CYTH2: variants seen among roughly 807,000 people sequenced by gnomAD.
The protein encoded by CYTH2 is cytohesin 2.
In CYTH2, 24 loss-of-function variants were observed where a neutral mutation model predicts 55.4. The observed-to-expected ratio is 0.43, with a 90% CI of 0.31 to 0.61. The LOEUF is 0.61. Ranked by LOEUF, CYTH2 falls within the 20% of genes least tolerant of loss-of-function variation. The pLI is 0.08. For missense variants in CYTH2, 378 were observed against 533.5 expected, an observed-to-expected ratio of 0.71 and a Z score of 2.87; for synonymous variants, 221 against 209.6, an observed-to-expected ratio of 1.05 and a Z score of -0.47.
At chr19:48,470,812 C>A in intron 3 of CYTH2, 143 bp downstream of exon 3, 2 of 857,650 alleles carry the variant, frequency 2.3e-6, no homozygotes, top group Non-Finnish European at 3.6e-6. Flanking sequence ...CAGATACTGG[C>A]TGTCCATTTG....
intron 11 of CYTH2, 142 bp downstream of exon 11, chr19:48,478,734 G>A: frequency 1.1e-6 from 1 of 925,356 alleles, no homozygotes. Flanking sequence ...ACGGAGGAGG[G>A]GCTGGGGCCT....
At chr19:48,470,582 C>A in intron 2 of CYTH2, 21 bp from the exon 3 acceptor site, 1 of 1,614,240 alleles carries the variant, frequency 6.2e-7, no homozygotes, top group Non-Finnish European at 8.5e-7. Context: ...CCACCCCCAA[C>A]CCTGCTCTCT....
At chr19:48,470,069 C>G (rs912234681) in intron 1 of CYTH2, 9 of 650,282 alleles carry the variant, frequency 1.4e-5, no homozygotes, top group Non-Finnish European at 2.3e-5. Flanking sequence ...GCCGAGGCCC[C>G]CAGCCCTTTC....
At chr19:48,470,055 A>C (rs1971758468) in intron 1 of CYTH2, 1 of 624,480 alleles carries the variant, frequency 1.6e-6, no homozygotes, top group African/African-American at 1.8e-5. Flanking sequence ...TAATGGACCT[A>C]GAAGCCGAGG....
At chr19:48,477,900 C>G (rs1038603472) in intron 8 of CYTH2, 169 bp from the exon 9 acceptor site, 1 of 582,128 alleles carries the variant, frequency 1.7e-6, no homozygotes, top group Admixed American at 3.0e-5. Context: ...ATTCCTGGAG[C>G]CCCAACATGC....
At chr19:48,478,860 C>T (rs1284886722) in intron 11 of CYTH2, among the ~76,000 whole-genome samples, 2 of 137,862 alleles carry the variant, frequency 1.5e-5, no homozygotes, top group African/African-American at 2.7e-5. Context: ...GGCCTGGACT[C>T]CTGGGTCTGA....
At position 48,469,382 on chromosome 19, in the gene CYTH2, G is replaced by A; in HGVS notation, c.-126G>A. On this transcript the variant is annotated 5_prime_UTR_variant, in exon 1 of 12. Transcript: ENST00000452733. ...AAGAGTCTTTTCAGCGCTGAGGACT[G>A]GCGCTGAGGAGGCGGCGGTGGCTCC... The A allele has an allele frequency of 9.1e-7, 1 of 1,101,870 alleles. No individual in the cohort carries two copies. 68.3% of individuals were successfully genotyped at this position (1,101,870 alleles called of 1,614,324 possible).
At chr19:48,470,217 G>T (rs974170281) in intron 1 of CYTH2, 136 bp from the exon 2 acceptor site, 15 of 1,299,826 alleles carry the variant, frequency 1.2e-5, no homozygotes, top group Non-Finnish European at 1.6e-5. Context: ...AGGAATCCAG[G>T]CCCCCAGCCC....
At chr19:48,469,606 T>C in intron 1 of CYTH2, 80 bp downstream of exon 1, 1 of 1,319,438 alleles carries the variant, frequency 7.6e-7, no homozygotes, top group South Asian at 2.3e-5. Context: ...CGTTTCCCCC[T>C]GGCGCGCGGC....
chr19:48,479,074 G>C, intron 11 of CYTH2, 49 bp from the exon 12 acceptor site: 1 of 1,585,232 alleles, frequency 6.3e-7, no homozygotes, highest in South Asian at 1.1e-5. Flanking sequence ...GGAGGGGCTG[G>C]AGGCCTGGAC....
rs978735449 is a variant in CYTH2, at chr19:48,473,887, G to A, written c.435-18G>A. On this transcript the variant is annotated intron_variant, in intron 5 of 11. Transcript: ENST00000452733. ...CCCACCAGCCCTGGCATCCATTCCTGGCCCCTCCCCAACCCAGGCAGTTTC... is the reference window on the plus strand; with the variant it reads ...CCCACCAGCCCTGGCATCCATTCCTAGCCCCTCCCCAACCCAGGCAGTTTC... 2 of 1,583,098 alleles carry A rather than the reference G, an allele frequency of 1.3e-6. No individual in the cohort carries two copies. The highest frequency in any genetic ancestry group is 1.7e-6 in the Non-Finnish European group (2 of 1,163,900).
intron 1 of CYTH2, 67 bp downstream of exon 1, chr19:48,469,593 G>A (rs1037615705): frequency 5.3e-6 from 7 of 1,320,394 alleles, no homozygotes; most frequent in Admixed American, 3.9e-5. Flanking sequence ...GTTCCGCCGC[G>A]AACGTTTCCC....
chr19:48,478,808 C>T (rs1971988592), intron 11 of CYTH2, among the ~76,000 whole-genome samples: 1 of 119,154 alleles, frequency 8.4e-6, no homozygotes, highest in Non-Finnish European at 1.7e-5. Context: ...GGAGGAGGGG[C>T]CGGGGGCCTG....
Position 48,472,443 on chromosome 19 carries a change from G to A in CYTH2, c.353G>A (p.Arg118Lys). The change falls in exon 4 of 12, where the codon AGG (arginine) becomes AAG (lysine). Residue 118 changes from arginine to lysine, a missense_variant and splice_region_variant. By Grantham distance (26) the Arg-to-Lys change is conservative (BLOSUM62 2). Transcript: ENST00000452733. ...GCCATCGGGGACTACCTGGGGGAGA[G>A]GTACGGTCACCACTCAGCTCCTGTG... ...KTAIGDYLGE[R>K]EELNLAVLHA... 6.2e-7 allele frequency: 1 copy of A among 1,612,630 alleles called. No individual in the cohort carries two copies. Among genetic ancestry groups the A allele is most frequent in the Non-Finnish European group, 8.5e-7 (1 of 1,179,866 alleles).
At chr19:48,472,479 C>A in intron 4 of CYTH2, 36 bp downstream of exon 4, 3 of 1,537,542 alleles carry the variant, frequency 2.0e-6, no homozygotes, top group East Asian at 4.7e-5. Context: ...GGGCCCCTCC[C>A]TCCCACCCCC....
In CYTH2 at chr19:48,470,403, C is replaced by T. The variant is rs777522359; in HGVS notation, c.70C>T (p.Arg24Trp). The T allele has an allele frequency of 3.1e-6, 5 of 1,613,918 alleles. No individual in the cohort carries two copies. The highest frequency in any genetic ancestry group is 2.2e-5 in the East Asian group (1 of 44,888). The change falls in exon 2 of 12, where the codon CGG becomes TGG. Residue 24 changes from arginine to tryptophan, a missense_variant. Physicochemically the swap from Arg to Trp is moderately radical, Grantham distance 101. Coordinates refer to ENST00000452733, the MANE Select transcript of CYTH2 (RefSeq NM_004228.7). The part of the protein sequence containing the change: ...EERMELENIR[R>W]RKQELLVEIQ... The stretch of plus-strand genomic sequence containing the variant: ...GCGGATGGAGCTGGAGAACATCCGG[C>T]GGCGGAAGCAGGAGCTGCTGGTGGA...
In CYTH2 at chr19:48,470,318, A is replaced by G. The variant is rs200813747; in HGVS notation, c.20-35A>G. The G allele has an allele frequency of 6.9e-5, 109 of 1,576,682 alleles. No homozygotes were observed. The African/African-American group carries it at 1.4e-3, about 20-fold the overall frequency. On this transcript the variant is annotated intron_variant, in intron 1 of 11. Coordinates refer to ENST00000452733, the MANE Select transcript of CYTH2 (RefSeq NM_004228.7). ...GCAGGAATTCAGGCTCACGGCCCCTAGCACTGACTTTTAAACCTTGACCCC... is the reference window on the plus strand; with the variant it reads ...GCAGGAATTCAGGCTCACGGCCCCTGGCACTGACTTTTAAACCTTGACCCC...
Position 48,474,404 on chromosome 19 carries a change from C to G in CYTH2, c.696+74C>G. 11 of 1,473,160 alleles carry G rather than the reference C, an allele frequency of 7.5e-6. 1 individual carries two copies. The South Asian group carries it at 1.2e-4, about 16-fold the overall frequency. The allele number at this position is 1,473,160 out of a possible 1,614,324, so 91.3% of individuals were successfully genotyped here. Reference sequence around the variant, plus strand: ...GACACCCCCGCCCCACCTGTGGTCTCCTAGTGCCCAAGCTGTCTGCCCTCA... The same window carrying G: ...GACACCCCCGCCCCACCTGTGGTCTGCTAGTGCCCAAGCTGTCTGCCCTCA... On this transcript the variant is annotated intron_variant, in intron 7 of 11. Transcript: ENST00000452733. This position sits in a 1 kb window ranked among gnomAD's most constrained non-coding sequence, Gnocchi z 4.9.
chr19:48,474,779 T>G lies in CYTH2; in HGVS notation c.697-59T>G. On this transcript the variant is annotated intron_variant, in intron 7 of 11. Transcript: ENST00000452733. This position sits in a 1 kb window ranked among gnomAD's most constrained non-coding sequence, Gnocchi z 4.9. ...TCCCTGGTCTCGCTGCCCCCCACCC[T>G]GAGTAACCCTGGGGGGCCCCAGGGG... 6.6e-7 allele frequency: 1 copy of G among 1,517,188 alleles called. No individual in the cohort carries two copies. The highest frequency in any genetic ancestry group is 9.1e-7 in the Non-Finnish European group (1 of 1,094,022). 94.0% of individuals were successfully genotyped at this position (1,517,188 alleles called of 1,614,324 possible).
Sources: allele counts gnomAD v4.1 joint callset (sites outside exome capture counted in the v4.1 genomes callset), GRCh38; gene constraint gnomAD v4.1.1; non-coding constraint Gnocchi (gnomAD v3.1); transcripts MANE v1.5; gene names NCBI Gene and HGNC (gene_info 2026-07-23, HGNC 2026-07-21).